NKPD1: variants seen among roughly 807,000 people sequenced by gnomAD.
The protein encoded by NKPD1 is NTPase KAP family P-loop domain-containing protein 1.
In NKPD1, 37 loss-of-function variants were observed where a neutral mutation model predicts 42.2. That is an observed-to-expected ratio of 0.88 (90% CI 0.67 to 1.15). NKPD1 has a LOEUF of 1.15. NKPD1 is among the 50% of genes most tolerant of loss of function. The pLI, the probability that NKPD1 is intolerant of heterozygous loss-of-function variation, is 0.00. For synonymous variants in NKPD1, 552 were observed against 536.5 expected (o/e 1.03, Z -0.40); for missense variants, 1,113 against 1,174.6 (o/e 0.95, Z 0.77).
In NKPD1 at chr19:45,155,765, A is replaced by T. The variant is rs574563473; in HGVS notation, c.661+20T>A. The T allele has an allele frequency of 7.7e-7, 1 of 1,290,570 alleles. No individual in the cohort carries two copies. The highest frequency in any genetic ancestry group is 1.2e-5 in the South Asian group (1 of 80,534). The allele number at this position is 1,290,570 out of a possible 1,614,324, so 79.9% of individuals were successfully genotyped here. A position where few individuals can be genotyped will look rare whatever the true frequency, so the allele number is the denominator to read the frequency against. ...CCCTGTTTCTCATCCTCCCCCCAAC[A>T]AACACACACAGCTCCTCACCCGTGA... is the stretch of plus-strand genomic sequence containing the variant. On this transcript the variant is annotated intron_variant, in intron 4 of 4. Transcript: ENST00000686631.
chr19:45,159,155 C>A, intron 2 of NKPD1, 55 bp from the exon 3 acceptor site: 2 of 1,239,536 alleles, frequency 1.6e-6, no homozygotes, highest in Non-Finnish European at 2.1e-6. Flanking sequence ...CCCGGGGGCA[C>A]CGGCACAAGC....
chr19:45,153,954 T>A, intron 4 of NKPD1, 179 bp from the exon 5 acceptor site: 1 of 559,496 alleles, frequency 1.8e-6, no homozygotes, highest in South Asian at 4.5e-5. Flanking sequence ...AGCGGGGGCG[T>A]GGAGAGGCCT....
At position 45,158,495 on chromosome 19, in the gene NKPD1, A is replaced by G. The variant is rs571148737; in HGVS notation, c.529+168T>C. ...CCTTGGACCCCAACAGGCAAAGCTG[A>G]GGCAGCCAGCCTGAGCCCCATGGCC... On this transcript the variant is annotated intron_variant, in intron 3 of 4. Coordinates refer to ENST00000686631, the MANE Select transcript of NKPD1 (RefSeq NM_198478.4). The surrounding 1 kb of genome is among the most constrained non-coding windows in gnomAD (Gnocchi z 4.6). Among the ~76,000 whole-genome samples, 2 of 152,380 alleles carry G rather than the reference A, an allele frequency of 1.3e-5. No homozygotes were observed. Among genetic ancestry groups the G allele is most frequent in the East Asian group, 3.9e-4 (2 of 5,186 alleles).
rs1471451169 is a variant in NKPD1, at chr19:45,156,000, A to G, written c.530-84T>C. 1.9e-5 allele frequency: 23 copies of G among 1,216,774 alleles called. 3 individuals are homozygous for G. The Admixed American group carries it at 5.5e-4, about 29-fold the overall frequency. The allele number at this position is 1,216,774 out of a possible 1,614,324, so 75.4% of individuals were successfully genotyped here. A position where few individuals can be genotyped will look rare whatever the true frequency, so the allele number is the denominator to read the frequency against. ...CCATCTGCCCTCCATGGCCCCCACT[A>G]TCAGCCCCTTCCTGGCACCCTGTGC... On this transcript the variant is annotated intron_variant, in intron 3 of 4. Transcript: ENST00000686631.
rs777644450 is a variant in NKPD1, at chr19:45,153,649, A to G, written c.788T>C (p.Ile263Thr). Residue 263 changes from isoleucine to threonine, a missense_variant, in exon 5 of 5, where the codon ATC becomes ACC. Physicochemically the swap from Ile to Thr is moderately conservative, Grantham distance 89 (BLOSUM62 -1). Coordinates refer to ENST00000686631, the MANE Select transcript of NKPD1 (RefSeq NM_198478.4). ...LLWYLVFLQP[I>T]ITEVHLRRRN... ...GCGCCGCAGGTGCACCTCGGTGATGATGGGCTGCAGGAACACCAGGTACCA... is the reference window on the plus strand; with the variant it reads ...GCGCCGCAGGTGCACCTCGGTGATGGTGGGCTGCAGGAACACCAGGTACCA... 3 of 1,582,796 alleles carry G rather than the reference A, an allele frequency of 1.9e-6. No individual in the cohort carries two copies. In the South Asian group the frequency reaches 3.4e-5, roughly 18 times the overall value.
chr19:45,162,508 G>A (rs1969027573), upstream of NKPD1, among the ~76,000 whole-genome samples: 1 of 152,164 alleles, frequency 6.6e-6, no homozygotes, highest in African/African-American at 2.4e-5. Flanking sequence ...CGAGCGGGGT[G>A]GGAGGGGGCA....
At chr19:45,160,605 A>AG (rs1345005346) in intron 1 of NKPD1, among the ~76,000 whole-genome samples, 1 of 151,898 alleles carries the variant, frequency 6.6e-6, no homozygotes, top group African/African-American at 2.4e-5. Flanking sequence ...ACATGGAGCT[A>AG]GTGAGGTGAG....
Position 45,154,551 on chromosome 19 carries a change from G to A in NKPD1, c.662-776C>T, listed in dbSNP as rs566272546. On this transcript the variant is annotated intron_variant, in intron 4 of 4. Transcript: ENST00000686631. ...GTTCTTTATATCCTCTTCTCCTCCCGGGACCCTGTGACAACACAGGACAGG... is the reference window on the plus strand; with the variant it reads ...GTTCTTTATATCCTCTTCTCCTCCCAGGACCCTGTGACAACACAGGACAGG... 3.8e-4 allele frequency among the ~76,000 whole-genome samples: 58 copies of A among 152,252 alleles called. 1 individual carries two copies. The highest frequency in any genetic ancestry group is 1.2e-3 in the African/African-American group (48 of 41,552).
At position 45,151,307 on chromosome 19, in the gene NKPD1, C is replaced by A; in HGVS notation, c.*631G>T. 6.6e-6 allele frequency: 1 copy of A among 152,174 alleles called. No individual in the cohort carries two copies. The highest frequency in any genetic ancestry group is 1.5e-5 in the Non-Finnish European group (1 of 68,104). The allele number at this position is 152,174 out of a possible 1,614,324, so 9.4% of individuals were successfully genotyped here. ...CACCCACTCCAGCTGGCTGAGGTGC[C>A]AGCGAGGTCTAACCCATTACGTTGA... On this transcript the variant is annotated 3_prime_UTR_variant, in exon 5 of 5. Coordinates refer to ENST00000686631, the MANE Select transcript of NKPD1 (RefSeq NM_198478.4).
chr19:45,153,547 ACCAGGCCGGC>A lies in NKPD1; in HGVS notation c.880_889del (p.Ala294Ter). On this transcript the variant is annotated frameshift_variant, in exon 5 of 5. Coordinates refer to ENST00000686631, the MANE Select transcript of NKPD1 (RefSeq NM_198478.4). LOFTEE classifies it high-confidence loss of function. ...GCGGATGCCCTCGCACAACGTGGTC[ACCAGGCCGGC>A]CCACAGCTTGTCGGTGCCCGCGTAC... 6.4e-7 allele frequency: 1 copy of A among 1,551,338 alleles called. No homozygotes were observed. The highest frequency in any genetic ancestry group is 1.2e-5 in the South Asian group (1 of 85,566).
chr19:45,153,902 CGAGCCGCGGCCGCTCCTTAAA>C, intron 4 of NKPD1, 127 bp from the exon 5 acceptor site: 1 of 948,532 alleles, frequency 1.1e-6, no homozygotes, highest in Non-Finnish European at 1.4e-6. Context: ...GGGCTGGAAG[CGAGCCGCGGCCGCTCCTTAAA>C]GAGCTGGAAG....
intron 4 of NKPD1, among the ~76,000 whole-genome samples, chr19:45,154,632 C>T (rs1054807618): frequency 3.3e-5 from 5 of 152,310 alleles, no homozygotes; most frequent in East Asian, 1.9e-4. Context: ...TGGGCCTGCA[C>T]CAGGGCTGGG....
intron 1 of NKPD1, among the ~76,000 whole-genome samples, chr19:45,160,612 T>G (rs141425194): frequency 1.3e-5 from 2 of 151,420 alleles, no homozygotes; most frequent in Non-Finnish European, 2.9e-5. Flanking sequence ...GCTAGTGAGG[T>G]GAGCTGGAGA....
Position 45,152,560 on chromosome 19 carries a change from A to C in NKPD1, c.1877T>G (p.Val626Gly). 6.3e-7 allele frequency: 1 copy of C among 1,586,466 alleles called. No individual in the cohort carries two copies. Among genetic ancestry groups the C allele is most frequent in the Non-Finnish European group, 8.5e-7 (1 of 1,175,334 alleles). The change falls in exon 5 of 5, where the codon GTC becomes GGC. Residue 626 changes from valine (V) to glycine (G), a missense_variant. Coordinates refer to ENST00000686631, the MANE Select transcript of NKPD1 (RefSeq NM_198478.4). ...PDNVVSMRRIVNTVPITVRLL... is the reference protein window; with the variant it reads ...PDNVVSMRRIGNTVPITVRLL... ...GCGCACGGTGATGGGCACGGTGTTGACGATGCGCCGCATGGACACCACGTT... is the reference window on the plus strand; with the variant it reads ...GCGCACGGTGATGGGCACGGTGTTGCCGATGCGCCGCATGGACACCACGTT...
At chr19:45,156,021 T>TGCAAAGG (rs1242566564) in intron 3 of NKPD1, 105 bp from the exon 4 acceptor site, 1 of 1,099,914 alleles carries the variant, frequency 9.1e-7, no homozygotes, top group Non-Finnish European at 1.2e-6. Context: ...CCTGGCACCC[T>TGCAAAGG]GTGCAAAGGG....
Position 45,151,651 on chromosome 19 carries a change from G to C in NKPD1, c.*287C>G, listed in dbSNP as rs1760321129. 2.6e-6 allele frequency: 1 copy of C among 384,272 alleles called. No homozygotes were observed. Among genetic ancestry groups the C allele is most frequent in the Admixed American group, 4.3e-5 (1 of 23,024 alleles). The allele number at this position is 384,272 out of a possible 1,614,324, so 23.8% of individuals were successfully genotyped here. A position where few individuals can be genotyped will look rare whatever the true frequency, so the allele number is the denominator to read the frequency against. Reference sequence around the variant, plus strand: ...GCAGGACGGGGCAGGCCTGGTCCCTGGTCAGATCAGGATGCGGAGAGCAAC... The same window carrying C: ...GCAGGACGGGGCAGGCCTGGTCCCTCGTCAGATCAGGATGCGGAGAGCAAC... On this transcript the variant is annotated 3_prime_UTR_variant, in exon 5 of 5. Coordinates refer to ENST00000686631, the MANE Select transcript of NKPD1 (RefSeq NM_198478.4).
At chr19:45,155,365 C>T (rs1460824996) in intron 4 of NKPD1, among the ~76,000 whole-genome samples, 1 of 150,888 alleles carries the variant, frequency 6.6e-6, no homozygotes. Context: ...TTCATGTCTT[C>T]AGTTGGCATC....
chr19:45,151,838 C>A lies in NKPD1; in HGVS notation c.*100G>T. 7.7e-7 allele frequency: 1 copy of A among 1,291,002 alleles called. No individual in the cohort carries two copies. Among genetic ancestry groups the A allele is most frequent in the East Asian group, 2.7e-5 (1 of 36,598 alleles). The allele number at this position is 1,291,002 out of a possible 1,614,324, so 80.0% of individuals were successfully genotyped here. A position where few individuals can be genotyped will look rare whatever the true frequency, so the allele number is the denominator to read the frequency against. On this transcript the variant is annotated 3_prime_UTR_variant, in exon 5 of 5. Transcript: ENST00000686631. ...ACCTGGGGGTGTGGGCCTCACAGGG[C>A]TCATTCGGACCCTGGGTTGCGGCCC...
chr19:45,155,023 TAAAAA>T (rs11345601), intron 4 of NKPD1, among the ~76,000 whole-genome samples: 1 of 112,572 alleles, frequency 8.9e-6, no homozygotes, highest in Non-Finnish European at 1.8e-5. Context: ...AGACTCCATT[TAAAAA>T]AAAAAAAAAA....
Sources: gnomAD v4.1 joint callset for allele counts (sites outside exome capture counted in the v4.1 genomes callset) on GRCh38, gnomAD v4.1.1 for gene constraint, Gnocchi (gnomAD v3.1) non-coding constraint, MANE v1.5 for transcripts, NCBI Gene and HGNC (gene_info 2026-07-23, HGNC 2026-07-21) for gene names.